Variants in PIP5K1C observed in about 807,000 individuals in gnomAD.
PIP5K1C encodes phosphatidylinositol-4-phosphate 5-kinase type 1 gamma, also known as phosphatidylinositol 4-phosphate 5-kinase type-1 gamma.
A neutral mutation model predicts 80.1 loss-of-function variants in PIP5K1C; 45 were observed. The observed-to-expected ratio is 0.56, with a 90% confidence interval of 0.44 to 0.72. The LOEUF (loss-of-function observed/expected upper bound fraction) is 0.72. PIP5K1C is among the 30% of genes least tolerant of loss of function. The pLI is 0.00. For synonymous variants in PIP5K1C, 498 were observed against 420.1 expected (o/e 1.19, Z -2.27); for missense variants, 753 against 954.6 (o/e 0.79, Z 2.78).
At chr19:3,656,266 T>G (rs1304484611) in intron 6 of PIP5K1C, 139 bp downstream of exon 6, 1 of 883,824 alleles carries the variant, frequency 1.1e-6, no homozygotes, top group East Asian at 2.6e-5. Flanking sequence ...CCCCCGAGGG[T>G]GAGTCCCCGG....
rs574993474 is a variant in PIP5K1C, at chr19:3,643,073, A to T, written c.1650-134T>A. 12 of 1,457,612 alleles carry T rather than the reference A, an allele frequency of 8.2e-6. No homozygotes were observed. In the South Asian group the frequency reaches 1.3e-4, roughly 15 times the overall value. The allele number at this position is 1,457,612 out of a possible 1,614,324, so 90.3% of individuals were successfully genotyped here. A position where few individuals can be genotyped will look rare whatever the true frequency, so the allele number is the denominator to read the frequency against. On this transcript the variant is annotated intron_variant, in intron 13 of 17. Coordinates refer to ENST00000335312, the MANE Select transcript of PIP5K1C (RefSeq NM_012398.3). ...ACCTGTACATATGCTCCTCCCTCCCACACATTGGATGCTCCGCCCCCGCGC... is the reference window on the plus strand; with the variant it reads ...ACCTGTACATATGCTCCTCCCTCCCTCACATTGGATGCTCCGCCCCCGCGC...
At chr19:3,633,796 A>C (rs1380971483) in intron 16 of PIP5K1C, among the ~76,000 whole-genome samples, 1 of 151,932 alleles carries the variant, frequency 6.6e-6, no homozygotes, top group Non-Finnish European at 1.5e-5. Context: ...ATAGCAGGTG[A>C]CAGAGCCGGC....
intron 7 of PIP5K1C, 84 bp from the exon 8 acceptor site, chr19:3,652,115 C>A (rs1181722362): frequency 1.5e-6 from 2 of 1,333,188 alleles, no homozygotes. Flanking sequence ...GGGTTCCCAG[C>A]ACGGATGGCC....
At chr19:3,691,017 T>C (rs1253658605) in intron 1 of PIP5K1C, among the ~76,000 whole-genome samples, 2 of 152,138 alleles carry the variant, frequency 1.3e-5, no homozygotes, top group Non-Finnish European at 2.9e-5. Context: ...CAGGTGACCG[T>C]CGGGAGGAGT....
At position 3,643,261 on chromosome 19, in the gene PIP5K1C, G is replaced by A. The variant is rs2034057892; in HGVS notation, c.1631C>T (p.Ser544Leu). The change falls in exon 13 of 18, where the codon TCG becomes TTG. Residue 544 changes from serine to leucine, a missense_variant. Physicochemically the swap from Ser to Leu is moderately radical, Grantham distance 145. Around this residue, in one of 6 missense-constraint regions of PIP5K1C, gnomAD observed 315 missense variants for 294.5 expected, o/e 1.07. Transcript: ENST00000335312. ...CGCCCACCTGTACCGCGGCTGCTCCGACGTCTCCGAGGGGGACCGCTCAGG... is the reference window on the plus strand; with the variant it reads ...CGCCCACCTGTACCGCGGCTGCTCCAACGTCTCCGAGGGGGACCGCTCAGG... ...SIPERSPSET[S>L]EQPRYRRRTQ... The A allele has an allele frequency of 6.2e-7, 1 of 1,613,636 alleles. No individual in the cohort carries two copies. Among genetic ancestry groups the A allele is most frequent in the East Asian group, 2.2e-5 (1 of 44,878 alleles).
intron 14 of PIP5K1C, among the ~76,000 whole-genome samples, chr19:3,642,297 T>C (rs915230950): frequency 6.6e-6 from 1 of 152,206 alleles, no homozygotes; most frequent in African/African-American, 2.4e-5. Flanking sequence ...ACTGCCCCAG[T>C]GTTCACAAGA....
intron 11 of PIP5K1C, 82 bp from the exon 12 acceptor site, chr19:3,644,333 C>A: frequency 2.2e-6 from 3 of 1,392,964 alleles, no homozygotes; most frequent in South Asian, 1.2e-5. Context: ...CCCACATATA[C>A]CCCACGTCCC....
intron 6 of PIP5K1C, 82 bp downstream of exon 6, chr19:3,656,323 A>T: frequency 6.5e-7 from 1 of 1,526,942 alleles, no homozygotes; most frequent in South Asian, 1.1e-5. Context: ...TGCTTGCCCA[A>T]GCCTTGCAGA....
chr19:3,638,686 G>A (rs1227265871), intron 16 of PIP5K1C, among the ~76,000 whole-genome samples, 198 bp downstream of exon 16: 2 of 152,202 alleles, frequency 1.3e-5, no homozygotes, highest in African/African-American at 2.4e-5. Context: ...GGAAGAGAAG[G>A]TGGGTGTGAA....
intron 1 of PIP5K1C, among the ~76,000 whole-genome samples, chr19:3,680,289 TGTCTAAATGC>T (rs1286823610): frequency 6.6e-6 from 1 of 152,190 alleles, no homozygotes; most frequent in Non-Finnish European, 1.5e-5. Context: ...GCCGGCTCTC[TGTCTAAATGC>T]AACTGTCTTT....
In PIP5K1C at chr19:3,642,872, G is replaced by A. The variant is rs1288976826; in HGVS notation, c.1682+35C>T. 4 of 1,592,732 alleles carry A rather than the reference G, an allele frequency of 2.5e-6. No homozygotes were observed. The Admixed American group carries it at 5.0e-5, about 20-fold the overall frequency. ...GCTGGGAGCTGTGCAGGAGGAGCTGGTGAGACCCAGGGAAGGAAGGGGGTT... is the reference window on the plus strand; with the variant it reads ...GCTGGGAGCTGTGCAGGAGGAGCTGATGAGACCCAGGGAAGGAAGGGGGTT... On this transcript the variant is annotated intron_variant, in intron 14 of 17. Coordinates refer to ENST00000335312, the MANE Select transcript of PIP5K1C (RefSeq NM_012398.3).
intron 1 of PIP5K1C, among the ~76,000 whole-genome samples, chr19:3,685,099 T>C (rs1456569845): frequency 2.0e-5 from 3 of 152,130 alleles, no homozygotes; most frequent in Non-Finnish European, 2.9e-5. Flanking sequence ...AAACAAACAG[T>C]GTGAACATCT....
At chr19:3,665,877 T>C (rs1275646134) in intron 2 of PIP5K1C, among the ~76,000 whole-genome samples, 1 of 152,084 alleles carries the variant, frequency 6.6e-6, no homozygotes, top group Non-Finnish European at 1.5e-5. Flanking sequence ...CTGCGTTTGC[T>C]AGGAGACCCC....
rs1160337398 is a variant in PIP5K1C, at chr19:3,637,859, G to A, written c.1920+1025C>T. On this transcript the variant is annotated intron_variant, in intron 16 of 17. Coordinates refer to ENST00000335312, the MANE Select transcript of PIP5K1C (RefSeq NM_012398.3). The surrounding 1 kb of genome is among the most constrained non-coding windows in gnomAD (Gnocchi z 7.0). ...GACACACAGCACGACATGGCCCCCA[G>A]GCCCCCCGTACCATCCGGAGACCAG... 1 of 1,535,396 alleles carries A rather than the reference G, an allele frequency of 6.5e-7. No homozygotes were observed. The highest frequency in any genetic ancestry group is 2.4e-5 in the East Asian group (1 of 40,906).
intron 3 of PIP5K1C, 25 bp downstream of exon 3, chr19:3,664,797 A>G (rs986889764): frequency 1.9e-6 from 3 of 1,592,462 alleles, no homozygotes; most frequent in African/African-American, 1.3e-5. Context: ...CGCTCCCTCC[A>G]GCCAGCTAAG....
chr19:3,654,607 G>A (rs1323387445), intron 6 of PIP5K1C, among the ~76,000 whole-genome samples: 1 of 151,778 alleles, frequency 6.6e-6, no homozygotes, highest in African/African-American at 2.4e-5. Context: ...CCTGAGGTCA[G>A]GAGTTTGAGA....
chr19:3,642,408 G>A (rs146082022), intron 14 of PIP5K1C, among the ~76,000 whole-genome samples: 38 of 152,336 alleles, frequency 2.5e-4, no homozygotes, highest in Non-Finnish European at 4.6e-4. Flanking sequence ...TGACAGGAAC[G>A]GCGCGCACCC....
chr19:3,691,302 G>C (rs913390657), intron 1 of PIP5K1C, among the ~76,000 whole-genome samples: 1 of 152,196 alleles, frequency 6.6e-6, no homozygotes, highest in African/African-American at 2.4e-5. Context: ...GCTGCGTTTT[G>C]TTTTCTGGAT....
intron 1 of PIP5K1C, among the ~76,000 whole-genome samples, chr19:3,686,880 G>C (rs1238191381): frequency 6.6e-6 from 1 of 151,502 alleles, no homozygotes; most frequent in African/African-American, 2.4e-5. Context: ...AACACCAAAA[G>C]CATAAGCAAG....
Sources: allele counts gnomAD v4.1 joint callset (sites outside exome capture counted in the v4.1 genomes callset), GRCh38; gene constraint gnomAD v4.1.1; regional missense constraint gnomAD v4.1.1; non-coding constraint Gnocchi (gnomAD v3.1); transcripts MANE v1.5; gene names NCBI Gene and HGNC (gene_info 2026-07-23, HGNC 2026-07-21).